SLC7A11: variants seen among roughly 807,000 people sequenced by gnomAD.
SLC7A11 encodes the protein solute carrier family 7 member 11.
A neutral mutation model predicts 54.5 loss-of-function variants in SLC7A11; 35 were observed. That is an observed-to-expected ratio of 0.64 (90% CI 0.49 to 0.85). The LOEUF is 0.85. SLC7A11 is among the 40% of genes least tolerant of loss of function. SLC7A11 has a pLI of 0.00. For synonymous variants in SLC7A11, 230 were observed against 225.2 expected (o/e 1.02, Z -0.19); for missense variants, 583 against 618.1 (o/e 0.94, Z 0.60).
chr4:138,179,131 A>T, intron 11 of SLC7A11, 86 bp downstream of exon 11: 1 of 874,968 alleles, frequency 1.1e-6, no homozygotes, highest in Non-Finnish European at 1.8e-6. Context: ...TTACATTTTT[A>T]AATGTTAAGT....
At chr4:138,228,888 G>A (rs548409377) in intron 3 of SLC7A11, among the ~76,000 whole-genome samples, 77 of 151,878 alleles carry the variant, frequency 5.1e-4, no homozygotes, top group Admixed American at 8.5e-4. Flanking sequence ...TTACTGGAAT[G>A]GATGAAATTT....
intron 1 of SLC7A11, among the ~76,000 whole-genome samples, chr4:138,237,737 ATTTTTTTTTTTTTTT>A (rs1169641615): frequency 2.3e-3 from 23 of 9,818 alleles, no homozygotes; most frequent in African/African-American, 6.2e-3. Context: ...ATATATATAT[ATTTTTTTTTTTTTTT>A]TTTTTTTTTT....
At chr4:138,194,690 T>C (rs1242956806) in intron 6 of SLC7A11, among the ~76,000 whole-genome samples, 1 of 152,188 alleles carries the variant, frequency 6.6e-6, no homozygotes, top group Non-Finnish European at 1.5e-5. Context: ...CTCTGATATT[T>C]GTATTCACTT....
At chr4:138,241,694 G>A in intron 1 of SLC7A11, 99 bp downstream of exon 1, 1 of 939,402 alleles carries the variant, frequency 1.1e-6, no homozygotes, top group Admixed American at 2.1e-5. Context: ...TGTGGCCTTT[G>A]CCATCCATTC....
At chr4:138,180,263 A>G (rs1412372415) in intron 10 of SLC7A11, among the ~76,000 whole-genome samples, 1 of 152,170 alleles carries the variant, frequency 6.6e-6, no homozygotes, top group Non-Finnish European at 1.5e-5. Context: ...TGGCATTAAC[A>G]AAGTATCTCC....
chr4:138,171,174 C>G lies in SLC7A11; in HGVS notation c.*782G>C, dbSNP rs1403068927. On this transcript the variant is annotated 3_prime_UTR_variant, in exon 12 of 12. Coordinates refer to ENST00000280612, the MANE Select transcript of SLC7A11 (RefSeq NM_014331.4). ...TAATGAGGATTTAATACCAAACTAA[C>G]TCTTGCTCTAAGATGTGTTATACAC... The G allele has an allele frequency of 6.6e-6, 1 of 151,954 alleles. No individual in the cohort carries two copies. Among genetic ancestry groups the G allele is most frequent in the Non-Finnish European group, 1.5e-5 (1 of 67,996 alleles). The allele number at this position is 151,954 out of a possible 1,614,324, so 9.4% of individuals were successfully genotyped here.
rs117031852 is a variant in SLC7A11, at chr4:138,234,261, A to G, written c.405-1879T>C. Among the ~76,000 whole-genome samples the G allele has an allele frequency of 4.8e-4, 73 of 152,364 alleles. No homozygotes were observed. The East Asian group carries it at 0.011, about 23-fold the overall frequency. The stretch of plus-strand genomic sequence containing the variant: ...AATGACCCCTGCTGTGTACAGATAG[A>G]TAATATTTCTGTCCTTGAAATCTGT... On this transcript the variant is annotated intron_variant, in intron 2 of 11. Transcript: ENST00000280612.
intron 1 of SLC7A11, among the ~76,000 whole-genome samples, chr4:138,239,285 T>C (rs1379172300): frequency 6.6e-6 from 1 of 152,138 alleles, no homozygotes; most frequent in Non-Finnish European, 1.5e-5. Flanking sequence ...AACTGAGTTC[T>C]GGGGGAATGA....
At chr4:138,228,904 A>C (rs1475395476) in intron 3 of SLC7A11, among the ~76,000 whole-genome samples, 1 of 152,136 alleles carries the variant, frequency 6.6e-6, no homozygotes, top group Non-Finnish European at 1.5e-5. Context: ...AATTTGTATA[A>C]GCAAAAACTT....
At chr4:138,195,409 T>G (rs1384265377) in intron 6 of SLC7A11, among the ~76,000 whole-genome samples, 1 of 152,202 alleles carries the variant, frequency 6.6e-6, no homozygotes, top group Non-Finnish European at 1.5e-5. Flanking sequence ...TAATCAATGT[T>G]TGTTAAATAT....
At chr4:138,205,490 C>A (rs952349398) in intron 6 of SLC7A11, among the ~76,000 whole-genome samples, 2 of 151,972 alleles carry the variant, frequency 1.3e-5, no homozygotes, top group African/African-American at 4.8e-5. Context: ...AATATAATAA[C>A]CTGAATGCAT....
rs116480696 is a variant in SLC7A11 at position 138,242,043 on chromosome 4, G to A, written c.27C>T (p.Thr9=). The change falls in exon 1 of 12, where the codon ACC becomes ACT. Residue 9 remains threonine, a synonymous_variant. Transcript: ENST00000280612. The part of the protein sequence containing the change: MVRKPVVS[T]ISKGGYLQGN... The stretch of plus-strand genomic sequence containing the variant: ...CCTGCAGGTAACCTCCTTTGGAGAT[G>A]GTGGACACAACAGGCTTTCTGACCA... 5,569 of 1,613,908 alleles carry A rather than the reference G, an allele frequency of 3.5e-3. 21 individuals are homozygous for A. The highest frequency in any genetic ancestry group is 3.5e-3 in the Non-Finnish European group (4,173 of 1,179,854).
intron 6 of SLC7A11, among the ~76,000 whole-genome samples, chr4:138,186,750 A>G (rs1736890550): frequency 6.6e-6 from 1 of 152,186 alleles, no homozygotes; most frequent in Non-Finnish European, 1.5e-5. Context: ...ATTAAAGATG[A>G]ATTCTGTTTC....
chr4:138,176,615 G>A (rs558344718), intron 11 of SLC7A11: 1 of 152,238 alleles, frequency 6.6e-6, no homozygotes, highest in Non-Finnish European at 1.5e-5. Flanking sequence ...CCAAACAGGA[G>A]GAACAAAATG....
intron 1 of SLC7A11, among the ~76,000 whole-genome samples, 160 bp from the exon 2 acceptor site, chr4:138,236,611 C>T (rs1379464691): frequency 6.6e-6 from 1 of 152,156 alleles, no homozygotes; most frequent in East Asian, 1.9e-4. Context: ...CATCTAATTG[C>T]TAAGACCCGC....
In SLC7A11 at chr4:138,164,336, T is replaced by G. The variant is rs1243933366; in HGVS notation, c.*7620A>C. Reference sequence around the variant, plus strand: ...ATAAGATGAAAACAAACACACTTACTTCATAGCATCTTACCACTTACTTAC... The same window carrying G: ...ATAAGATGAAAACAAACACACTTACGTCATAGCATCTTACCACTTACTTAC... On this transcript the variant is annotated 3_prime_UTR_variant, in exon 12 of 12. Coordinates refer to ENST00000280612, the MANE Select transcript of SLC7A11 (RefSeq NM_014331.4). 3 of 152,072 alleles carry G rather than the reference T, an allele frequency of 2.0e-5. No homozygotes were observed. The highest frequency in any genetic ancestry group is 2.9e-5 in the Non-Finnish European group (2 of 67,974). 9.4% of individuals were successfully genotyped at this position (152,072 alleles called of 1,614,324 possible). A position where few individuals can be genotyped will look rare whatever the true frequency, so the allele number is the denominator to read the frequency against.
intron 6 of SLC7A11, among the ~76,000 whole-genome samples, chr4:138,194,004 T>C (rs1737072657): frequency 6.6e-6 from 1 of 152,050 alleles, no homozygotes; most frequent in Admixed American, 6.6e-5. Context: ...ATAAAATTGA[T>C]AGGGAAGCCA....
chr4:138,227,286 G>A (rs553452976), intron 3 of SLC7A11, among the ~76,000 whole-genome samples: 2 of 152,238 alleles, frequency 1.3e-5, no homozygotes, highest in South Asian at 2.1e-4. Flanking sequence ...AAAGTGGGTT[G>A]TTTCACTGCT....
chr4:138,173,310 T>C (rs1482205331), intron 11 of SLC7A11, among the ~76,000 whole-genome samples: 4 of 152,136 alleles, frequency 2.6e-5, no homozygotes, highest in Non-Finnish European at 5.9e-5. Flanking sequence ...TAATAGCTCC[T>C]TTCAAGCCAT....
Sources: allele counts gnomAD v4.1 joint callset (sites outside exome capture counted in the v4.1 genomes callset), GRCh38; gene constraint gnomAD v4.1.1; transcripts MANE v1.5; gene names NCBI Gene and HGNC (gene_info 2026-07-23, HGNC 2026-07-21).